The following NBEA variants were observed in gnomAD, a reference collection of about 807,000 sequenced individuals.
NBEA encodes the protein neurobeachin.
A neutral mutation model predicts 343.4 loss-of-function variants in NBEA; 44 were observed. The ratio of observed to expected loss-of-function variants is 0.13; its 90% confidence interval spans 0.10 to 0.16. The LOEUF (loss-of-function observed/expected upper bound fraction) is 0.16. NBEA is among the 10% of genes least tolerant of loss of function. The pLI, the probability that NBEA is intolerant of heterozygous loss-of-function variation, is 1.00. For synonymous variants in NBEA, 1,175 were observed against 1,238.7 expected (o/e 0.95, Z 1.08); for missense variants, 2,555 against 3,631.3 (o/e 0.70, Z 7.62).
intron 1 of NBEA, among the ~76,000 whole-genome samples, chr13:35,007,056 C>A (rs1352174855): frequency 7.1e-6 from 1 of 141,112 alleles, no homozygotes; most frequent in Non-Finnish European, 1.5e-5. Flanking sequence ...ATTTTTAGCA[C>A]TTTTCCTCTG....
At chr13:35,138,182 T>G (rs1003930087) in intron 17 of NBEA, among the ~76,000 whole-genome samples, 32 of 152,162 alleles carry the variant, frequency 2.1e-4, no homozygotes, top group African/African-American at 7.7e-4. Context: ...CCAAATTGAC[T>G]ATTTTTCTGA....
intron 34 of NBEA, chr13:35,251,532 G>T (rs1312977350): frequency 1.8e-5 from 20 of 1,142,522 alleles, no homozygotes; most frequent in Non-Finnish European, 2.1e-5. Flanking sequence ...GGCTCATCCT[G>T]GACGTCATGT....
At chr13:35,125,781 A>G (rs868320257) in intron 17 of NBEA, among the ~76,000 whole-genome samples, 1 of 152,228 alleles carries the variant, frequency 6.6e-6, no homozygotes, top group East Asian at 1.9e-4. Flanking sequence ...TGGAATACAT[A>G]GCATTTTGAT....
At chr13:35,297,925 C>T (rs2036244639) in intron 35 of NBEA, among the ~76,000 whole-genome samples, 1 of 151,406 alleles carries the variant, frequency 6.6e-6, no homozygotes, top group Admixed American at 6.6e-5. Flanking sequence ...TGTTATGTAA[C>T]CATCAACACT....
intron 41 of NBEA, among the ~76,000 whole-genome samples, chr13:35,513,895 T>C (rs934692597): frequency 1.3e-5 from 2 of 152,170 alleles, no homozygotes; most frequent in African/African-American, 4.8e-5. Context: ...AATTTGAGAT[T>C]AGAAAATCTA....
intron 49 of NBEA, among the ~76,000 whole-genome samples, chr13:35,638,656 G>A (rs1454187600): frequency 6.6e-6 from 1 of 152,182 alleles, no homozygotes; most frequent in African/African-American, 2.4e-5. Context: ...AGGCCAAGAA[G>A]ACTTATTTAA....
chr13:34,967,449 G>A (rs2059859215), intron 1 of NBEA, among the ~76,000 whole-genome samples: 1 of 151,752 alleles, frequency 6.6e-6, no homozygotes, highest in Non-Finnish European at 1.5e-5. Flanking sequence ...TGGAATAGAT[G>A]TTTTATTAAG....
rs575554056 is a variant in NBEA at position 35,560,907 on chromosome 13, C to G, written c.6922+5805C>G. Among the ~76,000 whole-genome samples, 15 of 151,756 alleles carry G rather than the reference C, an allele frequency of 9.9e-5. 1 individual carries two copies. The highest frequency in any genetic ancestry group is 3.3e-4 in the Admixed American group (5 of 15,228). The stretch of plus-strand genomic sequence containing the variant: ...AGCAGTTCTCAGACTTCAGTGTATC[C>G]AAAGCAGGATTGCTAAAACCCTGAT... On this transcript the variant is annotated intron_variant, in intron 44 of 58. Transcript: ENST00000379939.
In NBEA at chr13:35,599,787, T is replaced by C. The variant is rs114706966; in HGVS notation, c.7296+6340T>C. ...GGATGGGAGGACTGTTATAGCCATCTATGAGAAAACTCTGTGAGTTACCAA... is the reference window on the plus strand; with the variant it reads ...GGATGGGAGGACTGTTATAGCCATCCATGAGAAAACTCTGTGAGTTACCAA... On this transcript the variant is annotated intron_variant, in intron 47 of 58. Transcript: ENST00000379939. 3.6e-3 allele frequency among the ~76,000 whole-genome samples: 554 copies of C among 152,336 alleles called. 1 individual carries two copies. The highest frequency in any genetic ancestry group is 0.013 in the African/African-American group (526 of 41,576).
At chr13:35,471,476 C>A (rs1209344152) in intron 40 of NBEA, among the ~76,000 whole-genome samples, 1 of 152,208 alleles carries the variant, frequency 6.6e-6, no homozygotes, top group Non-Finnish European at 1.5e-5. Context: ...CCGATCCCCA[C>A]GTTATGTATA....
At chr13:35,503,249 A>G (rs2076955009) in intron 41 of NBEA, among the ~76,000 whole-genome samples, 1 of 151,862 alleles carries the variant, frequency 6.6e-6, no homozygotes, top group African/African-American at 2.4e-5. Flanking sequence ...TCAATATATA[A>G]TAGTATAAAA....
rs1382855476 is a variant in NBEA at position 34,942,516 on chromosome 13, A to AGGCAGCGGCGGC, written c.-295_-284dup. 3.1e-5 allele frequency: 6 copies of AGGCAGCGGCGGC among 192,844 alleles called. No homozygotes were observed. Among genetic ancestry groups the AGGCAGCGGCGGC allele is most frequent in the African/African-American group, 7.2e-5 (3 of 41,730 alleles). The allele number at this position is 192,844 out of a possible 1,614,324, so 11.9% of individuals were successfully genotyped here. ...ACAGACCGGGAGAGGGAGAGAGCAG[A>AGGCAGCGGCGGC]GGCAGCGGCGGCGGCAGCGGCAGCG... On this transcript the variant is annotated 5_prime_UTR_variant, in exon 1 of 59. Transcript: ENST00000379939.
intron 38 of NBEA, among the ~76,000 whole-genome samples, chr13:35,404,426 A>G (rs1160873987): frequency 6.6e-6 from 1 of 151,386 alleles, no homozygotes; most frequent in African/African-American, 2.4e-5. Flanking sequence ...TGCAGCCATA[A>G]AAAAGGATGA....
chr13:35,552,072 A>G (rs1343866027), intron 43 of NBEA, among the ~76,000 whole-genome samples: 8 of 152,222 alleles, frequency 5.3e-5, no homozygotes, highest in African/African-American at 1.7e-4. Flanking sequence ...TTGATGAAGA[A>G]CAAAGGGAGA....
intron 13 of NBEA, among the ~76,000 whole-genome samples, chr13:35,112,961 C>A (rs573361784): frequency 6.6e-6 from 1 of 152,152 alleles, no homozygotes; most frequent in Admixed American, 6.5e-5. Context: ...TTCAGAGACC[C>A]CATTCAAATT....
intron 38 of NBEA, among the ~76,000 whole-genome samples, chr13:35,404,520 G>A (rs374494931): frequency 3.4e-5 from 5 of 147,994 alleles, no homozygotes; most frequent in African/African-American, 1.0e-4. Flanking sequence ...ACCAAACACC[G>A]CATATTCTTA....
chr13:35,138,831 A>G (rs2067896422), intron 17 of NBEA, among the ~76,000 whole-genome samples: 1 of 151,962 alleles, frequency 6.6e-6, no homozygotes, highest in South Asian at 2.1e-4. Flanking sequence ...GTTGACTTAA[A>G]CAAACTATAA....
chr13:35,255,045 C>T (rs953573016), intron 34 of NBEA, among the ~76,000 whole-genome samples: 1 of 151,968 alleles, frequency 6.6e-6, no homozygotes, highest in African/African-American at 2.4e-5. Flanking sequence ...AAATAAAATG[C>T]GATTTTGTTT....
At chr13:35,669,381 C>T (rs1301137001) in intron 58 of NBEA, among the ~76,000 whole-genome samples, 1 of 152,076 alleles carries the variant, frequency 6.6e-6, no homozygotes, top group Non-Finnish European at 1.5e-5. Flanking sequence ...TTCCTCATAA[C>T]AGTATTGGTT....
Sources: gnomAD v4.1 joint callset for allele counts (sites outside exome capture counted in the v4.1 genomes callset) on GRCh38, gnomAD v4.1.1 for gene constraint, MANE v1.5 for transcripts, NCBI Gene and HGNC (gene_info 2026-07-23, HGNC 2026-07-21) for gene names.